Variants in TRPS1 observed in about 807,000 individuals in gnomAD.
TRPS1 encodes zinc finger transcription factor Trps1.
TRPS1 carries 6 observed loss-of-function variants against 101.2 expected under a neutral mutation model. The ratio of observed to expected loss-of-function variants is 0.06; its 90% CI spans 0.03 to 0.12. The LOEUF (loss-of-function observed/expected upper bound fraction) is 0.12. TRPS1 is among the 10% of genes least tolerant of loss of function. The pLI is 1.00. For missense variants in TRPS1, 1,363 were observed against 1,567.0 expected (o/e 0.87, Z 2.20); for synonymous variants, 578 against 589.8 (o/e 0.98, Z 0.29).
chr8:115,571,590 T>G (rs796456572), intron 5 of TRPS1, among the ~76,000 whole-genome samples: 2 of 152,252 alleles, frequency 1.3e-5, no homozygotes, highest in African/African-American at 4.8e-5. Context: ...TGTGATACAG[T>G]ATTAAGATAT....
At chr8:115,648,919 C>T (rs1811494202) in intron 1 of TRPS1, among the ~76,000 whole-genome samples, 1 of 151,920 alleles carries the variant, frequency 6.6e-6, no homozygotes, top group South Asian at 2.1e-4. Flanking sequence ...CCATGTGGAG[C>T]AGGGGTAGTT....
intron 5 of TRPS1, among the ~76,000 whole-genome samples, chr8:115,439,955 T>G (rs769653870): frequency 2.6e-5 from 4 of 152,202 alleles, no homozygotes; most frequent in Non-Finnish European, 5.9e-5. Flanking sequence ...GGCTGCACTT[T>G]AGATCTAAAA....
rs534721029 is a variant in TRPS1 at position 115,485,481 on chromosome 8, C to T, written c.2701-67029G>A. Among the ~76,000 whole-genome samples, 16 of 152,340 alleles carry T rather than the reference C, an allele frequency of 1.1e-4. No individual in the cohort carries two copies. In the East Asian group the frequency reaches 2.9e-3, roughly 28 times the overall value. On this transcript the variant is annotated intron_variant, in intron 5 of 6. Coordinates refer to ENST00000395715, the MANE Select transcript of TRPS1 (RefSeq NM_014112.5). ...AATTAATTTGCAGTATTTTAAGCTG[C>T]TACATTTGTAGTAATTTGTTACACA...
At position 115,451,323 on chromosome 8, in the gene TRPS1, C is replaced by CT. The variant is rs570280248; in HGVS notation, c.2701-32872dup. ...CTCATTCATTCAACATTCATTCTCT[C>CT]TTTTTTTTTTCAATGAGTATTTTCT... On this transcript the variant is annotated intron_variant, in intron 5 of 6. Transcript: ENST00000395715. Among the ~76,000 whole-genome samples the CT allele has an allele frequency of 2.7e-3, 405 of 149,412 alleles. 4 individuals carry two copies. Among genetic ancestry groups the CT allele is most frequent in the South Asian group, 0.01 (49 of 4,732 alleles).
At chr8:115,579,315 A>G (rs1817391264) in intron 5 of TRPS1, among the ~76,000 whole-genome samples, 1 of 152,116 alleles carries the variant, frequency 6.6e-6, no homozygotes, top group Non-Finnish European at 1.5e-5. Flanking sequence ...AAGAATTCAA[A>G]TTTAACACCT....
chr8:115,504,430 A>G (rs1406872789), intron 5 of TRPS1, among the ~76,000 whole-genome samples: 2 of 152,234 alleles, frequency 1.3e-5, no homozygotes, highest in East Asian at 1.9e-4. Context: ...AATAAAGTTC[A>G]GATTATTTCA....
rs937393841 is a variant in TRPS1 at position 115,409,861 on chromosome 8, T to C, written c.*4162A>G. On this transcript the variant is annotated 3_prime_UTR_variant, in exon 7 of 7. Coordinates refer to ENST00000395715, the MANE Select transcript of TRPS1 (RefSeq NM_014112.5). ...AATTCCTCAATTTTCTCTTGTGCCT[T>C]GGACAGTCAGCAAGCTTTCACCTTA... is the stretch of plus-strand genomic sequence containing the variant. 6.6e-6 allele frequency: 1 copy of C among 152,466 alleles called. No homozygotes were observed. The highest frequency in any genetic ancestry group is 6.6e-5 in the Admixed American group (1 of 15,238). The allele number at this position is 152,466 out of a possible 1,614,324, so 9.4% of individuals were successfully genotyped here. A position where few individuals can be genotyped will look rare whatever the true frequency, so the allele number is the denominator to read the frequency against.
intron 4 of TRPS1, among the ~76,000 whole-genome samples, chr8:115,596,713 T>A (rs1346626062): frequency 6.6e-6 from 1 of 151,844 alleles, no homozygotes. Context: ...TGTGCATATA[T>A]CATATGTATG....
At chr8:115,620,592 A>T (rs2721936) in intron 2 of TRPS1, among the ~76,000 whole-genome samples, 83,231 of 152,046 alleles carry the variant, frequency 0.55, 24,038 homozygotes, top group East Asian at 0.84. Flanking sequence ...TGTAACCGGG[A>T]TGTAAATATA....
intron 3 of TRPS1, among the ~76,000 whole-genome samples, chr8:115,618,174 T>TA (rs1818312264): frequency 1.3e-5 from 2 of 152,110 alleles, no homozygotes; most frequent in South Asian, 4.1e-4. Context: ...TAATCATTCC[T>TA]AAAAAAAGTT....
At chr8:115,456,991 T>G (rs1267029439) in intron 5 of TRPS1, among the ~76,000 whole-genome samples, 1 of 152,176 alleles carries the variant, frequency 6.6e-6, no homozygotes, top group Admixed American at 6.5e-5. Context: ...TGAGGGCCTA[T>G]GAGCTAAGGA....
Position 115,640,260 on chromosome 8 carries a change from T to C in TRPS1, c.-121-16502A>G, listed in dbSNP as rs1375429448. Among the ~76,000 whole-genome samples the C allele has an allele frequency of 2.0e-5, 3 of 152,334 alleles. No individual in the cohort carries two copies. The South Asian group carries it at 6.2e-4, about 32-fold the overall frequency. On this transcript the variant is annotated intron_variant, in intron 1 of 6. Coordinates refer to ENST00000395715, the MANE Select transcript of TRPS1 (RefSeq NM_014112.5). Reference sequence around the variant, plus strand: ...TCTACCTGAACCTGGTTTCTCCTAATATCCATCTATATGTTAATTGGTAAA... The same window carrying C: ...TCTACCTGAACCTGGTTTCTCCTAACATCCATCTATATGTTAATTGGTAAA...
intron 1 of TRPS1, among the ~76,000 whole-genome samples, chr8:115,656,082 G>C (rs994345646): frequency 6.6e-6 from 1 of 152,116 alleles, no homozygotes; most frequent in Non-Finnish European, 1.5e-5. Context: ...GCAGGGACTA[G>C]CATGGGTAAT....
intron 5 of TRPS1, among the ~76,000 whole-genome samples, chr8:115,499,574 C>T (rs1206026041): frequency 6.6e-6 from 1 of 152,008 alleles, no homozygotes; most frequent in Non-Finnish European, 1.5e-5. Context: ...CTCTAAACAA[C>T]AAGAAAAACA....
intron 1 of TRPS1, among the ~76,000 whole-genome samples, chr8:115,634,319 CA>C (rs889507728): frequency 6.6e-6 from 1 of 152,144 alleles, no homozygotes; most frequent in Non-Finnish European, 1.5e-5. Context: ...GAATGCTTTA[CA>C]TGTTCTAGAA....
chr8:115,590,540 A>C (rs1236524886), intron 4 of TRPS1, among the ~76,000 whole-genome samples: 5 of 152,238 alleles, frequency 3.3e-5, no homozygotes, highest in African/African-American at 1.2e-4. Flanking sequence ...AGAAGGGATC[A>C]ACATATATGA....
intron 5 of TRPS1, among the ~76,000 whole-genome samples, chr8:115,556,380 T>C (rs1816820874): frequency 6.6e-6 from 1 of 152,194 alleles, no homozygotes; most frequent in Non-Finnish European, 1.5e-5. Flanking sequence ...AAATTGCCTA[T>C]TAACACACCT....
At chr8:115,554,577 C>T (rs892686620) in intron 5 of TRPS1, among the ~76,000 whole-genome samples, 7 of 152,274 alleles carry the variant, frequency 4.6e-5, no homozygotes, top group East Asian at 1.9e-4. Context: ...AGTTATTATG[C>T]GCAAAACAGC....
At chr8:115,619,018 G>C in intron 3 of TRPS1, 114 bp downstream of exon 3, 5 of 1,128,388 alleles carry the variant, frequency 4.4e-6, no homozygotes, top group Non-Finnish European at 6.5e-6. Flanking sequence ...TCTTCTGCTA[G>C]ATCTAGCAGG....
Sources: gnomAD v4.1 joint callset for allele counts (sites outside exome capture counted in the v4.1 genomes callset) on GRCh38, gnomAD v4.1.1 for gene constraint, MANE v1.5 for transcripts, NCBI Gene and HGNC (gene_info 2026-07-23, HGNC 2026-07-21) for gene names.